The following CSRNP3 variants were observed in gnomAD, a reference collection of about 807,000 sequenced individuals.
CSRNP3 encodes cysteine and serine rich nuclear protein 3.
Under a neutral mutation model 48.0 loss-of-function variants are expected in CSRNP3, and 12 were observed. The ratio of observed to expected loss-of-function variants is 0.25; its 90% CI spans 0.16 to 0.41. The LOEUF (loss-of-function observed/expected upper bound fraction) is 0.41. Ranked by LOEUF, CSRNP3 falls within the 10% of genes least tolerant of loss-of-function variation. The pLI is 1.00. For missense variants in CSRNP3, 580 were observed against 724.4 expected (o/e 0.80, Z 2.29); for synonymous variants, 263 against 269.7 (o/e 0.98, Z 0.24).
intron 1 of CSRNP3, among the ~76,000 whole-genome samples, chr2:165,477,466 A>AATATAT (rs34169125): frequency 0.033 from 4,311 of 131,020 alleles, 208 homozygotes; most frequent in African/African-American, 0.1. Context: ...TAAAAATACA[A>AATATAT]ATATATATAT....
Position 165,614,869 on chromosome 2 carries a change from A to G in CSRNP3, c.148+19656A>G, listed in dbSNP as rs539488342. ...ATGTTCATGTATTTTTATACTTTCTAAAGTTCTTCTTATTATTGATTTCTA... is the reference window on the plus strand; with the variant it reads ...ATGTTCATGTATTTTTATACTTTCTGAAGTTCTTCTTATTATTGATTTCTA... On this transcript the variant is annotated intron_variant, in intron 4 of 6. Transcript: ENST00000651982. 5.9e-5 allele frequency among the ~76,000 whole-genome samples: 9 copies of G among 152,282 alleles called. No individual in the cohort carries two copies. The East Asian group carries it at 1.3e-3, about 23-fold the overall frequency.
intron 4 of CSRNP3, among the ~76,000 whole-genome samples, chr2:165,622,475 C>A (rs1386383921): frequency 6.6e-6 from 1 of 152,112 alleles, no homozygotes; most frequent in African/African-American, 2.4e-5. Flanking sequence ...TATTATGTAG[C>A]TTAAACAAAA....
rs991504573 is a variant in CSRNP3 at position 165,574,306 on chromosome 2, T to G, written c.-23-20737T>G. 5 of 1,414,744 alleles carry G rather than the reference T, an allele frequency of 3.5e-6. No individual in the cohort carries two copies. In the East Asian group the frequency reaches 1.2e-4, roughly 35 times the overall value. 87.6% of individuals were successfully genotyped at this position (1,414,744 alleles called of 1,614,324 possible). Reference sequence around the variant, plus strand: ...AGGGCTGGTGGAAAGCTGGATCAGTTGCCTGAAAAAAATGTACTGGGGTTC... The same window carrying G: ...AGGGCTGGTGGAAAGCTGGATCAGTGGCCTGAAAAAAATGTACTGGGGTTC... On this transcript the variant is annotated intron_variant, in intron 3 of 6. Transcript: ENST00000651982.
intron 3 of CSRNP3, among the ~76,000 whole-genome samples, chr2:165,557,142 T>A (rs945682112): frequency 2.0e-5 from 3 of 152,194 alleles, no homozygotes. Context: ...GTGGTTTAAA[T>A]TTTTAAGTGA....
chr2:165,665,134 A>G (rs1687157383), intron 5 of CSRNP3, among the ~76,000 whole-genome samples: 1 of 152,172 alleles, frequency 6.6e-6, no homozygotes, highest in Non-Finnish European at 1.5e-5. Context: ...CAAGTTTAGG[A>G]TATCCTCTCA....
At chr2:165,664,378 A>T (rs566041653) in intron 5 of CSRNP3, among the ~76,000 whole-genome samples, 1 of 152,314 alleles carries the variant, frequency 6.6e-6, no homozygotes, top group African/African-American at 2.4e-5. Context: ...GAAATAGCGC[A>T]TTTCATTTTG....
At chr2:165,675,940 C>T (rs1374236852) in intron 5 of CSRNP3, among the ~76,000 whole-genome samples, 1 of 152,154 alleles carries the variant, frequency 6.6e-6, no homozygotes, top group African/African-American at 2.4e-5. Context: ...AACAAGGACA[C>T]ATTTATTCCA....
chr2:165,653,966 C>A (rs1686959473), intron 4 of CSRNP3, among the ~76,000 whole-genome samples: 1 of 59,810 alleles, frequency 1.7e-5, no homozygotes, highest in African/African-American at 8.2e-5. Flanking sequence ...GAGCGAAGCT[C>A]TATCACAAAA....
At chr2:165,614,207 G>T (rs1381118704) in intron 4 of CSRNP3, among the ~76,000 whole-genome samples, 3 of 151,908 alleles carry the variant, frequency 2.0e-5, no homozygotes. Flanking sequence ...GTTTTAAATT[G>T]ATTTATCTCT....
chr2:165,651,530 A>T (rs1050158281), intron 4 of CSRNP3, among the ~76,000 whole-genome samples: 12 of 152,020 alleles, frequency 7.9e-5, no homozygotes, highest in Non-Finnish European at 1.5e-4. Flanking sequence ...TCCATTTTTA[A>T]TCTGTTCTTT....
At chr2:165,524,015 A>G (rs942949144) in intron 3 of CSRNP3, among the ~76,000 whole-genome samples, 2 of 152,308 alleles carry the variant, frequency 1.3e-5, no homozygotes, top group African/African-American at 2.4e-5. Flanking sequence ...CGAAATGTCT[A>G]TGGGGTGTCA....
chr2:165,610,366 A>C (rs556172954), intron 4 of CSRNP3, among the ~76,000 whole-genome samples: 3 of 152,366 alleles, frequency 2.0e-5, no homozygotes, highest in African/African-American at 7.2e-5. Context: ...AATTAATAAA[A>C]CAGCACATAG....
At chr2:165,544,483 A>G (rs1397184349) in intron 3 of CSRNP3, among the ~76,000 whole-genome samples, 2 of 151,776 alleles carry the variant, frequency 1.3e-5, no homozygotes, top group East Asian at 3.8e-4. Flanking sequence ...TGACTTAGAT[A>G]TTTAAAAGGA....
chr2:165,661,282 A>G (rs965041060), intron 5 of CSRNP3, among the ~76,000 whole-genome samples: 3 of 152,184 alleles, frequency 2.0e-5, no homozygotes, highest in Admixed American at 6.5e-5. Context: ...ACCCATCGTA[A>G]ATTTAAAATA....
chr2:165,546,894 G>A (rs1685037463), intron 3 of CSRNP3, among the ~76,000 whole-genome samples: 1 of 152,182 alleles, frequency 6.6e-6, no homozygotes, highest in Admixed American at 6.5e-5. Context: ...AGAGAGAAGT[G>A]CAGAGTTTAA....
chr2:165,572,607 A>T (rs1370769548), intron 3 of CSRNP3: 1 of 152,186 alleles, frequency 6.6e-6, no homozygotes, highest in East Asian at 1.9e-4. Flanking sequence ...TTTATAAATT[A>T]CTCCAACACT....
At chr2:165,508,901 AGGC>A (rs1684463758) in intron 2 of CSRNP3, among the ~76,000 whole-genome samples, 1 of 152,196 alleles carries the variant, frequency 6.6e-6, no homozygotes, top group African/African-American at 2.4e-5. Context: ...ACTATGAAAA[AGGC>A]TATAATATAT....
Position 165,480,838 on chromosome 2 carries a change from T to A in CSRNP3, c.-283+11098T>A, listed in dbSNP as rs138229356. Among the ~76,000 whole-genome samples the A allele has an allele frequency of 3.4e-3, 499 of 146,726 alleles. 4 individuals are homozygous for A. Among genetic ancestry groups the A allele is most frequent in the African/African-American group, 0.012 (472 of 40,492 alleles). On this transcript the variant is annotated intron_variant, in intron 1 of 6. Transcript: ENST00000651982. ...ATGTAATATATATTATAATATATAT[T>A]TTATATATGTATATAAAAATATAAT...
At chr2:165,529,626 C>T (rs545179648) in intron 3 of CSRNP3, among the ~76,000 whole-genome samples, 78 of 152,178 alleles carry the variant, frequency 5.1e-4, no homozygotes, top group Non-Finnish European at 9.8e-4. Flanking sequence ...CATATACACA[C>T]ATGCATAGGA....
Sources: gnomAD v4.1 joint callset for allele counts (sites outside exome capture counted in the v4.1 genomes callset) on GRCh38, gnomAD v4.1.1 for gene constraint, MANE v1.5 for transcripts, NCBI Gene and HGNC (gene_info 2026-07-23, HGNC 2026-07-21) for gene names.